GAS2L3: variants seen among roughly 807,000 people sequenced by gnomAD.
GAS2L3 encodes the protein GAS2-like protein 3.
In GAS2L3, 28 loss-of-function variants were observed where a neutral mutation model predicts 37.0. The observed-to-expected ratio is 0.76, with a 90% CI of 0.56 to 1.04. GAS2L3 has a LOEUF of 1.04. GAS2L3 is among the 50% of genes least tolerant of loss of function. The pLI, the probability that GAS2L3 is intolerant of heterozygous loss-of-function variation, is 0.00. For missense variants in GAS2L3, 793 were observed against 817.6 expected (o/e 0.97, Z 0.37); for synonymous variants, 290 against 296.6 (o/e 0.98, Z 0.23).
intron 3 of GAS2L3, among the ~76,000 whole-genome samples, chr12:100,599,624 G>A (rs1228008110): frequency 6.6e-6 from 1 of 152,142 alleles, no homozygotes; most frequent in Non-Finnish European, 1.5e-5. Context: ...ATTATGATTT[G>A]AAGTTTACAA....
In GAS2L3 at chr12:100,625,089, G is replaced by A; in HGVS notation, c.*199G>A. ...AAGAGCCCTTCTGAAGCAAACAGTTGTAAAATCACTGCAAGGTTTTTATTA... is the reference window on the plus strand; with the variant it reads ...AAGAGCCCTTCTGAAGCAAACAGTTATAAAATCACTGCAAGGTTTTTATTA... On this transcript the variant is annotated 3_prime_UTR_variant, in exon 10 of 10. Coordinates refer to ENST00000547754, the MANE Select transcript of GAS2L3 (RefSeq NM_174942.3). 1 of 465,568 alleles carries A rather than the reference G, an allele frequency of 2.1e-6. No individual in the cohort carries two copies. Among genetic ancestry groups the A allele is most frequent in the South Asian group, 4.6e-5 (1 of 21,508 alleles). The allele number at this position is 465,568 out of a possible 1,614,324, so 28.8% of individuals were successfully genotyped here.
chr12:100,590,645 C>A (rs1408656443), intron 1 of GAS2L3, among the ~76,000 whole-genome samples: 1 of 152,130 alleles, frequency 6.6e-6, no homozygotes, highest in Non-Finnish European at 1.5e-5. Flanking sequence ...TTCACAATTG[C>A]AAAATCATGG....
chr12:100,579,133 A>C, intron 1 of GAS2L3: 1 of 696,660 alleles, frequency 1.4e-6, no homozygotes, highest in Non-Finnish European at 2.7e-6. Context: ...CACATAGTTC[A>C]TTTTCTGCCA....
intron 1 of GAS2L3, among the ~76,000 whole-genome samples, chr12:100,576,688 C>A (rs1282110051): frequency 6.6e-6 from 1 of 152,114 alleles, no homozygotes. Flanking sequence ...AACTGTATTT[C>A]TTTAATGTTT....
In GAS2L3 at chr12:100,625,571, T is replaced by A. The variant is rs907146222; in HGVS notation, c.*681T>A. 6.6e-6 allele frequency: 1 copy of A among 152,196 alleles called. No individual in the cohort carries two copies. The highest frequency in any genetic ancestry group is 2.1e-4 in the South Asian group (1 of 4,836). 9.4% of individuals were successfully genotyped at this position (152,196 alleles called of 1,614,324 possible). ...TTTTGGTTAAAAAAAATCCAACAAATTAACTTACTGAAATATAAACAAATT... is the reference window on the plus strand; with the variant it reads ...TTTTGGTTAAAAAAAATCCAACAAAATAACTTACTGAAATATAAACAAATT... On this transcript the variant is annotated 3_prime_UTR_variant, in exon 10 of 10. Transcript: ENST00000547754.
At chr12:100,611,571 C>T (rs567726896) in intron 5 of GAS2L3, among the ~76,000 whole-genome samples, 9 of 152,128 alleles carry the variant, frequency 5.9e-5, no homozygotes, top group East Asian at 5.8e-4. Context: ...CAGATTTGGG[C>T]GGGGGTGGTT....
chr12:100,595,475 T>C (rs1198254298), intron 3 of GAS2L3, among the ~76,000 whole-genome samples: 1 of 151,534 alleles, frequency 6.6e-6, no homozygotes, highest in Non-Finnish European at 1.5e-5. Context: ...GCCTTATATC[T>C]GAATGATTTC....
At chr12:100,605,249 C>T (rs955805437) in intron 5 of GAS2L3, among the ~76,000 whole-genome samples, 6 of 151,808 alleles carry the variant, frequency 4.0e-5, no homozygotes, top group Non-Finnish European at 5.9e-5. Flanking sequence ...CTTTTTATTA[C>T]GGCTTTGATC....
At position 100,627,441 on chromosome 12, in the gene GAS2L3, A is replaced by C. The variant is rs907264728; in HGVS notation, c.*2551A>C. On this transcript the variant is annotated 3_prime_UTR_variant, in exon 10 of 10. Transcript: ENST00000547754. ...AGGCATCCACCACCAGGCCCAGCTA[A>C]TTTTTTTGTATTTTCAGTAGAGATG... The C allele has an allele frequency of 6.6e-6, 1 of 151,886 alleles. No individual in the cohort carries two copies. Among genetic ancestry groups the C allele is most frequent in the African/African-American group, 2.4e-5 (1 of 41,456 alleles). 9.4% of individuals were successfully genotyped at this position (151,886 alleles called of 1,614,324 possible).
At chr12:100,581,916 T>C (rs1273271399) in intron 1 of GAS2L3, among the ~76,000 whole-genome samples, 1 of 152,282 alleles carries the variant, frequency 6.6e-6, no homozygotes, top group African/African-American at 2.4e-5. Flanking sequence ...TTAGTTGCCT[T>C]TGCATGTAAA....
chr12:100,576,371 T>A (rs961845678), intron 1 of GAS2L3, among the ~76,000 whole-genome samples: 2 of 152,250 alleles, frequency 1.3e-5, no homozygotes, highest in African/African-American at 4.8e-5. Flanking sequence ...TTAAACTTAA[T>A]ATGTATTCTT....
At chr12:100,617,603 AGT>A (rs2136558193) in intron 6 of GAS2L3, 139 bp from the exon 7 acceptor site, 2 of 610,044 alleles carry the variant, frequency 3.3e-6, no homozygotes, top group East Asian at 3.0e-5. Flanking sequence ...AAAAAATAAA[AGT>A]GTCTTTTCTT....
At chr12:100,582,612 C>T (rs2136387328) in intron 1 of GAS2L3, among the ~76,000 whole-genome samples, 1 of 152,162 alleles carries the variant, frequency 6.6e-6, no homozygotes, top group South Asian at 2.1e-4. Flanking sequence ...CAAAAGGTTG[C>T]CCATGACAAA....
At chr12:100,616,834 G>C (rs1446587296) in intron 6 of GAS2L3, among the ~76,000 whole-genome samples, 1 of 152,054 alleles carries the variant, frequency 6.6e-6, no homozygotes, top group Non-Finnish European at 1.5e-5. Flanking sequence ...AAATGCCATG[G>C]CTACATCCTC....
chr12:100,617,348 T>C (rs1007708344), intron 6 of GAS2L3, among the ~76,000 whole-genome samples: 1 of 152,324 alleles, frequency 6.6e-6, no homozygotes, highest in Admixed American at 6.5e-5. Flanking sequence ...TACTTTCTCC[T>C]CTTTGTAAGA....
intron 7 of GAS2L3, 100 bp downstream of exon 7, chr12:100,617,907 T>A (rs1956207193): frequency 2.2e-5 from 15 of 674,196 alleles, no homozygotes. Context: ...AAAAAATGCT[T>A]TAAATGAACT....
rs115026291 is a variant in GAS2L3 at position 100,588,683 on chromosome 12, C to A, written c.-151-3053C>A. On this transcript the variant is annotated intron_variant, in intron 1 of 9. Transcript: ENST00000547754. Reference sequence around the variant, plus strand: ...GGTTCTGCAGGAGACCAGGGCATATCTCTGTCCTTATCTCAACTGTGTAAG... The same window carrying A: ...GGTTCTGCAGGAGACCAGGGCATATATCTGTCCTTATCTCAACTGTGTAAG... 2.0e-3 allele frequency among the ~76,000 whole-genome samples: 306 copies of A among 152,274 alleles called. 2 individuals carry two copies. Among genetic ancestry groups the A allele is most frequent in the African/African-American group, 7.0e-3 (291 of 41,548 alleles).
At chr12:100,596,982 C>G (rs1381038457) in intron 3 of GAS2L3, among the ~76,000 whole-genome samples, 1 of 152,000 alleles carries the variant, frequency 6.6e-6, no homozygotes, top group Non-Finnish European at 1.5e-5. Flanking sequence ...TTGTTAATAT[C>G]TGACTTTTAA....
rs779766469 is a variant in GAS2L3 at position 100,622,287 on chromosome 12, G to T, written c.661G>T (p.Ala221Ser). 12 of 1,586,816 alleles carry T rather than the reference G, an allele frequency of 7.6e-6. No individual in the cohort carries two copies. Among genetic ancestry groups the T allele is most frequent in the Admixed American group, 6.7e-5 (4 of 59,540 alleles). The stretch of plus-strand genomic sequence containing the variant: ...TTCGTCATCTTAGGTTAAACATATT[G>T]CTGAGGACCCTCCTTGTAGTTGTTC... ...EELHEAVKHI[A>S]EDPPCSCSHR... Residue 221 changes from alanine (A) to serine (S), a missense_variant, in exon 9 of 10, where the codon GCT becomes TCT. Coordinates refer to ENST00000547754, the MANE Select transcript of GAS2L3 (RefSeq NM_174942.3).
Sources: allele counts gnomAD v4.1 joint callset (sites outside exome capture counted in the v4.1 genomes callset), GRCh38; gene constraint gnomAD v4.1.1; transcripts MANE v1.5; gene names NCBI Gene and HGNC (gene_info 2026-07-23, HGNC 2026-07-21).